The following RNF220 variants were observed in gnomAD, a reference collection of about 807,000 sequenced individuals.
The protein encoded by RNF220 is ring finger protein 220, also known as E3 ubiquitin-protein ligase RNF220.
Under a neutral mutation model 67.1 loss-of-function variants are expected in RNF220, and 7 were observed. The ratio of observed to expected loss-of-function variants is 0.10; its 90% CI spans 0.06 to 0.20. RNF220 has a LOEUF of 0.20. Among genes scored for constraint, RNF220 ranks in the 10% least tolerant of loss-of-function variants. The probability of loss-of-function intolerance (pLI) is 1.00; values close to 1 mark genes in which losing one functional copy is unlikely to be tolerated. For synonymous variants in RNF220, 270 were observed against 283.2 expected (o/e 0.95, Z 0.47); for missense variants, 565 against 740.3 (o/e 0.76, Z 2.75).
intron 2 of RNF220, among the ~76,000 whole-genome samples, chr1:44,603,306 A>T (rs1229730931): frequency 6.6e-6 from 1 of 152,202 alleles, no homozygotes; most frequent in African/African-American, 2.4e-5. Flanking sequence ...CAGCCCAGCA[A>T]ATTAATTTCT....
chr1:44,489,002 A>T (rs1177673692), intron 2 of RNF220, among the ~76,000 whole-genome samples: 1 of 152,118 alleles, frequency 6.6e-6, no homozygotes, highest in Non-Finnish European at 1.5e-5. Flanking sequence ...GATTGCTGGG[A>T]TTGCAAGTGT....
chr1:44,640,825 G>A (rs1398468764), intron 8 of RNF220, among the ~76,000 whole-genome samples: 1 of 152,196 alleles, frequency 6.6e-6, no homozygotes, highest in African/African-American at 2.4e-5. Context: ...AAACTCGCCG[G>A]AAGCTGCTGC....
At position 44,435,940 on chromosome 1, in the gene RNF220, G is replaced by GA. The variant is rs201623454; in HGVS notation, c.625+23228dup. Among the ~76,000 whole-genome samples the GA allele has an allele frequency of 3.5e-3, 519 of 148,148 alleles. 4 individuals are homozygous for GA. The highest frequency in any genetic ancestry group is 0.012 in the African/African-American group (489 of 40,496). ...CCATATCAAAAAAAAGAAAAAAGAG[G>GA]AAAAAAAAAATGGAAGAAACCTTTG... On this transcript the variant is annotated intron_variant, in intron 2 of 14. Coordinates refer to ENST00000361799, the MANE Select transcript of RNF220 (RefSeq NM_018150.4).
intron 2 of RNF220, among the ~76,000 whole-genome samples, chr1:44,488,727 C>CTTTTTTTTTTTTTT (rs55968850): frequency 8.0e-4 from 82 of 102,566 alleles, no homozygotes; most frequent in South Asian, 2.5e-3. Flanking sequence ...TTTCTTTTTT[C>CTTTTTTTTTTTTTT]TTTTTTTTTT....
intron 2 of RNF220, among the ~76,000 whole-genome samples, chr1:44,466,032 A>C (rs142053025): frequency 9.8e-4 from 150 of 152,332 alleles, no homozygotes; most frequent in African/African-American, 3.6e-3. Context: ...ATGTGATGCT[A>C]TTTGATAGCA....
chr1:44,528,465 T>C (rs551655550), intron 2 of RNF220, among the ~76,000 whole-genome samples: 16 of 152,230 alleles, frequency 1.1e-4, no homozygotes, highest in African/African-American at 3.9e-4. Context: ...CACACCTGGC[T>C]AATTTTTTGT....
intron 2 of RNF220, among the ~76,000 whole-genome samples, chr1:44,568,308 G>A (rs985391970): frequency 1.2e-4 from 18 of 152,300 alleles, no homozygotes; most frequent in South Asian, 4.1e-4. Flanking sequence ...CACACTGGCC[G>A]TGTGGCAGCT....
intron 2 of RNF220, among the ~76,000 whole-genome samples, chr1:44,599,997 G>A (rs762720045): frequency 2.0e-5 from 3 of 152,162 alleles, no homozygotes; most frequent in Non-Finnish European, 4.4e-5. Context: ...ATATGAAGAT[G>A]CCTAAACTAG....
Position 44,583,308 on chromosome 1 carries a change from C to T in RNF220, c.626-30857C>T, listed in dbSNP as rs140148511. Among the ~76,000 whole-genome samples, 180 of 152,090 alleles carry T rather than the reference C, an allele frequency of 1.2e-3. 2 individuals are homozygous for T. Among genetic ancestry groups the T allele is most frequent in the African/African-American group, 4.1e-3 (168 of 41,456 alleles). On this transcript the variant is annotated intron_variant, in intron 2 of 14. Coordinates refer to ENST00000361799, the MANE Select transcript of RNF220 (RefSeq NM_018150.4). ...TCTCTGCAGGTTCTATTCTAGGCTC[C>T]GTGTACCCAGAAGTAAGCAGCACAG...
At chr1:44,473,630 A>G (rs1283266073) in intron 2 of RNF220, among the ~76,000 whole-genome samples, 1 of 152,092 alleles carries the variant, frequency 6.6e-6, no homozygotes, top group African/African-American at 2.4e-5. Context: ...CCAGGGGCAA[A>G]CCTCAACAGT....
At chr1:44,478,302 T>C (rs72895514) in intron 2 of RNF220, among the ~76,000 whole-genome samples, 3,982 of 152,210 alleles carry the variant, frequency 0.026, 184 homozygotes, top group African/African-American at 0.091. Context: ...CAGGATCTTA[T>C]CATCTGTATA....
chr1:44,639,022 A>G (rs1028192199), intron 8 of RNF220, among the ~76,000 whole-genome samples: 1 of 152,200 alleles, frequency 6.6e-6, no homozygotes, highest in Non-Finnish European at 1.5e-5. Flanking sequence ...CTCTTTACAT[A>G]AAGGACAGCA....
rs191229766 is a variant in RNF220 at position 44,572,942 on chromosome 1, C to T, written c.626-41223C>T. 214 of 364,492 alleles carry T rather than the reference C, an allele frequency of 5.9e-4. 1 individual carries two copies. The highest frequency in any genetic ancestry group is 3.8e-3 in the African/African-American group (179 of 46,518). 22.6% of individuals were successfully genotyped at this position (364,492 alleles called of 1,614,324 possible). On this transcript the variant is annotated intron_variant, in intron 2 of 14. Transcript: ENST00000361799. ...GGAAAGATCCTCCAGGTGGAAATCA[C>T]GTTGAATGAAATGGATAAAGATGTG...
intron 1 of RNF220, among the ~76,000 whole-genome samples, chr1:44,407,424 G>C (rs978325402): frequency 6.6e-6 from 1 of 152,216 alleles, no homozygotes; most frequent in Admixed American, 6.5e-5. Flanking sequence ...ATGAGCAGAG[G>C]GGGGAAAGGC....
At chr1:44,418,601 GC>G (rs1374703517) in intron 2 of RNF220, among the ~76,000 whole-genome samples, 1 of 147,606 alleles carries the variant, frequency 6.8e-6, no homozygotes, top group Non-Finnish European at 1.5e-5. Context: ...CCGGTCAGCG[GC>G]CCCAGGTTGA....
chr1:44,484,076 G>A (rs1656068035), intron 2 of RNF220, among the ~76,000 whole-genome samples: 1 of 152,144 alleles, frequency 6.6e-6, no homozygotes, highest in South Asian at 2.1e-4. Context: ...AAGCTGTAGA[G>A]CCTCCTGAGG....
intron 1 of RNF220, among the ~76,000 whole-genome samples, chr1:44,408,041 G>C (rs985260342): frequency 1.3e-5 from 2 of 152,252 alleles, no homozygotes; most frequent in African/African-American, 4.8e-5. Context: ...GGGACCCAGA[G>C]TATTCTATAT....
chr1:44,593,425 G>T (rs1666253402), intron 2 of RNF220, among the ~76,000 whole-genome samples: 1 of 152,144 alleles, frequency 6.6e-6, no homozygotes, highest in African/African-American at 2.4e-5. Flanking sequence ...AATATCACAA[G>T]ATATCAATAA....
chr1:44,596,154 G>C (rs1170209324), intron 2 of RNF220, among the ~76,000 whole-genome samples: 1 of 152,236 alleles, frequency 6.6e-6, no homozygotes, highest in Non-Finnish European at 1.5e-5. Flanking sequence ...ACTCAAGGAA[G>C]GGGAGCAGGT....
Sources: allele counts gnomAD v4.1 joint callset (sites outside exome capture counted in the v4.1 genomes callset), GRCh38; gene constraint gnomAD v4.1.1; transcripts MANE v1.5; gene names NCBI Gene and HGNC (gene_info 2026-07-23, HGNC 2026-07-21).